The following NCAM1 variants were observed in gnomAD, a reference collection of about 807,000 sequenced individuals.
NCAM1 encodes antigen recognized by monoclonal antibody 5.1H11.
Under a neutral mutation model 109.8 loss-of-function variants are expected in NCAM1, and 14 were observed. That is an observed-to-expected ratio of 0.13 (90% CI 0.08 to 0.20). The LOEUF is 0.20. NCAM1 is among the 10% of genes least tolerant of loss of function. The pLI is 1.00. For missense variants in NCAM1, 774 were observed against 1,109.9 expected, an observed-to-expected ratio of 0.70 and a Z score of 4.30; for synonymous variants, 418 against 442.9, an observed-to-expected ratio of 0.94 and a Z score of 0.70.
chr11:113,274,554 C>T lies in NCAM1; in HGVS notation c.2457-713C>T, dbSNP rs1196429893. Among the ~76,000 whole-genome samples, 2 of 152,184 alleles carry T rather than the reference C, an allele frequency of 1.3e-5. No individual in the cohort carries two copies. Among genetic ancestry groups the T allele is most frequent in the Non-Finnish European group, 2.9e-5 (2 of 68,028 alleles). On this transcript the variant is annotated intron_variant, in intron 19 of 19. Transcript: ENST00000316851. The surrounding 1 kb of genome is among the most constrained non-coding windows in gnomAD (Gnocchi z 4.1). ...TAAGCTGCCATGCTGCCACCATGGG[C>T]TGCAAGGGGCTCTCGCCAGGAGCCC...
At chr11:112,978,387 A>G (rs1229315394) in intron 1 of NCAM1, among the ~76,000 whole-genome samples, 1 of 151,862 alleles carries the variant, frequency 6.6e-6, no homozygotes, top group Non-Finnish European at 1.5e-5. Flanking sequence ...TTGATTTTAA[A>G]TGATATTTTT....
intron 1 of NCAM1, among the ~76,000 whole-genome samples, chr11:113,156,037 T>G (rs1942399125): frequency 1.3e-5 from 2 of 152,026 alleles, no homozygotes; most frequent in Non-Finnish European, 2.9e-5. Context: ...TCTGAGCAAA[T>G]GGCACACAAG....
chr11:112,967,456 G>C (rs1950758815), intron 1 of NCAM1, among the ~76,000 whole-genome samples: 1 of 152,160 alleles, frequency 6.6e-6, no homozygotes, highest in Non-Finnish European at 1.5e-5. Context: ...ATAACCCTGG[G>C]TTGAAACCCC....
At chr11:113,056,265 T>G (rs1467177190) in intron 1 of NCAM1, among the ~76,000 whole-genome samples, 1 of 151,060 alleles carries the variant, frequency 6.6e-6, no homozygotes, top group Non-Finnish European at 1.5e-5. Flanking sequence ...GAAAGGGAAA[T>G]GAAGAGAAAT....
intron 1 of NCAM1, among the ~76,000 whole-genome samples, chr11:113,138,525 T>A (rs1332381332): frequency 6.6e-6 from 1 of 152,220 alleles, no homozygotes; most frequent in African/African-American, 2.4e-5. Context: ...GGGTATTTTT[T>A]ATATCATGTG....
At chr11:113,085,057 A>G (rs1250164601) in intron 1 of NCAM1, among the ~76,000 whole-genome samples, 1 of 152,238 alleles carries the variant, frequency 6.6e-6, no homozygotes, top group Non-Finnish European at 1.5e-5. Context: ...CTGTATTGAG[A>G]GTCCTGTTAA....
intron 16 of NCAM1, 157 bp from the exon 17 acceptor site, chr11:113,259,989 G>C (rs1343972797): frequency 3.2e-6 from 2 of 619,068 alleles, no homozygotes; most frequent in South Asian, 4.4e-5. Flanking sequence ...ATAGGCATGA[G>C]CCACCGCGCC....
chr11:113,094,373 A>G (rs1939496901), intron 1 of NCAM1, among the ~76,000 whole-genome samples: 1 of 152,198 alleles, frequency 6.6e-6, no homozygotes, highest in African/African-American at 2.4e-5. Context: ...TGTGTTTTTG[A>G]ATAGGCAGCT....
chr11:113,232,093 T>A (rs782514454), intron 10 of NCAM1, 77 bp from the exon 11 acceptor site: 17 of 1,384,660 alleles, frequency 1.2e-5, no homozygotes, highest in Non-Finnish European at 1.7e-5. Flanking sequence ...ACACCTGCCT[T>A]CCCAGTGCCA....
intron 14 of NCAM1, among the ~76,000 whole-genome samples, chr11:113,241,443 T>C (rs782228676): frequency 9.2e-5 from 14 of 152,126 alleles, no homozygotes; most frequent in Non-Finnish European, 1.8e-4. Context: ...ATCTCCTCTG[T>C]AAAATAGGAT....
At position 113,002,502 on chromosome 11, in the gene NCAM1, G is replaced by T. The variant is rs1219018186; in HGVS notation, c.52+40838G>T. ...CCTTTTTACAAAATGAATGTGGGAA[G>T]AAATGAACAACTTTGAGAGGGAAGA... On this transcript the variant is annotated intron_variant, in intron 1 of 19. Transcript: ENST00000316851. 2.6e-5 allele frequency among the ~76,000 whole-genome samples: 4 copies of T among 152,304 alleles called. No individual in the cohort carries two copies. In the East Asian group the frequency reaches 5.8e-4, roughly 22 times the overall value.
intron 1 of NCAM1, among the ~76,000 whole-genome samples, chr11:113,166,866 T>C (rs956969000): frequency 6.6e-6 from 1 of 152,210 alleles, no homozygotes; most frequent in Non-Finnish European, 1.5e-5. Context: ...AATATAATCA[T>C]TTTAAGCACT....
intron 1 of NCAM1, among the ~76,000 whole-genome samples, chr11:113,079,155 C>T (rs1938670005): frequency 6.6e-6 from 1 of 152,210 alleles, no homozygotes; most frequent in Non-Finnish European, 1.5e-5. Context: ...TTTGTGTTTC[C>T]TATTCTTGAA....
Position 113,270,170 on chromosome 11 carries a change from A to T in NCAM1, c.2132-18A>T. 2.5e-6 allele frequency: 4 copies of T among 1,613,322 alleles called. No homozygotes were observed. Among genetic ancestry groups the T allele is most frequent in the Non-Finnish European group, 3.4e-6 (4 of 1,179,568 alleles). ...CATCTCAGTCTGTTAACCACCAGCC[A>T]TCTCTCTCCCACTCAAGCCAACGGC... On this transcript the variant is annotated intron_variant, in intron 17 of 19. Transcript: ENST00000316851.
intron 1 of NCAM1, among the ~76,000 whole-genome samples, chr11:113,009,322 T>TGTTGTTGTTG (rs1213632298): frequency 2.4e-4 from 31 of 131,248 alleles, no homozygotes; most frequent in African/African-American, 7.7e-4. Flanking sequence ...GTTTTTTTTT[T>TGTTGTTGTTG]TTTTTTTTTT....
At chr11:113,269,597 G>A (rs553947684) in intron 17 of NCAM1, 1 of 154,738 alleles carries the variant, frequency 6.5e-6, no homozygotes, top group South Asian at 2.0e-4. Context: ...CAGTGAGGAG[G>A]GTAAACTATG....
intron 1 of NCAM1, among the ~76,000 whole-genome samples, chr11:112,961,957 C>T (rs1315917453): frequency 6.6e-6 from 1 of 152,144 alleles, no homozygotes; most frequent in African/African-American, 2.4e-5. Context: ...CGGCCGGCTC[C>T]TGGGGACTCA....
At position 113,274,618 on chromosome 11, in the gene NCAM1, C is replaced by T. The variant is rs1946366146; in HGVS notation, c.2457-649C>T. ...CGGGAGGGAAAAGGACTCTGATAGC[C>T]CTGCCCACTCAGCTGCCCTCAACTC... On this transcript the variant is annotated intron_variant, in intron 19 of 19. Transcript: ENST00000316851. This position sits in a 1 kb window ranked among gnomAD's most constrained non-coding sequence, Gnocchi z 4.1. Among the ~76,000 whole-genome samples the T allele has an allele frequency of 1.3e-5, 2 of 152,176 alleles. No individual in the cohort carries two copies. The highest frequency in any genetic ancestry group is 1.3e-4 in the Admixed American group (2 of 15,280).
intron 1 of NCAM1, among the ~76,000 whole-genome samples, chr11:113,046,312 T>C (rs1028706215): frequency 6.6e-6 from 1 of 152,150 alleles, no homozygotes; most frequent in African/African-American, 2.4e-5. Flanking sequence ...ACAGAGCTCG[T>C]AAGAGAGGAG....
Sources: allele counts gnomAD v4.1 joint callset (sites outside exome capture counted in the v4.1 genomes callset), GRCh38; gene constraint gnomAD v4.1.1; non-coding constraint Gnocchi (gnomAD v3.1); transcripts MANE v1.5; gene names NCBI Gene and HGNC (gene_info 2026-07-23, HGNC 2026-07-21).